Variants in STARD5 observed in about 807,000 individuals in gnomAD.
The protein encoded by STARD5 is stAR-related lipid transfer protein 5.
A neutral mutation model predicts 24.6 loss-of-function variants in STARD5; 26 were observed. The observed-to-expected ratio is 1.06, with a 90% CI of 0.77 to 1.47. The LOEUF is 1.47. Among genes scored for constraint, STARD5 ranks in the 40% most tolerant of loss-of-function variants. The pLI is 0.00. For missense variants in STARD5, 254 were observed against 270.8 expected (o/e 0.94, Z 0.44); for synonymous variants, 101 against 99.7 (o/e 1.01, Z -0.07).
chr15:81,316,277 A>G (rs1039243456), intron 5 of STARD5, among the ~76,000 whole-genome samples: 2 of 152,220 alleles, frequency 1.3e-5, no homozygotes, highest in African/African-American at 4.8e-5. Context: ...AAGGCACTTA[A>G]CGTCTGATAC....
At chr15:81,320,616 A>G (rs760112309) in intron 3 of STARD5, among the ~76,000 whole-genome samples, 1 of 152,224 alleles carries the variant, frequency 6.6e-6, no homozygotes, top group Non-Finnish European at 1.5e-5. Context: ...GGCAGTACAC[A>G]CTGGTATTAG....
At chr15:81,318,750 T>A (rs920725377) in intron 4 of STARD5, among the ~76,000 whole-genome samples, 5 of 151,886 alleles carry the variant, frequency 3.3e-5, no homozygotes, top group African/African-American at 7.3e-5. Context: ...TCACACACAC[T>A]CACTCATCCA....
In STARD5 at chr15:81,313,027, A is replaced by C. The variant is rs755919814; in HGVS notation, c.*229T>G. 5.9e-5 allele frequency: 21 copies of C among 356,986 alleles called. No individual in the cohort carries two copies. Among genetic ancestry groups the C allele is most frequent in the Non-Finnish European group, 9.4e-5 (19 of 201,362 alleles). The allele number at this position is 356,986 out of a possible 1,614,324, so 22.1% of individuals were successfully genotyped here. On this transcript the variant is annotated 3_prime_UTR_variant, in exon 6 of 6. Coordinates refer to ENST00000302824, the MANE Select transcript of STARD5 (RefSeq NM_181900.3). ...AGAGGCGTGTTTGGGTAACAGGCAG[A>C]TGGAGTTTGGAACACATGAATGGCT...
At chr15:81,317,660 T>G (rs551548157) in intron 5 of STARD5, among the ~76,000 whole-genome samples, 11 of 151,790 alleles carry the variant, frequency 7.2e-5, no homozygotes, top group Non-Finnish European at 1.6e-4. Context: ...CCTGGGACAA[T>G]GTGGTAGAAG....
At chr15:81,315,638 C>T (rs2141673336) in intron 5 of STARD5, among the ~76,000 whole-genome samples, 2 of 152,244 alleles carry the variant, frequency 1.3e-5, no homozygotes, top group South Asian at 2.1e-4. Context: ...GAACACCTTT[C>T]CCCCGCCCCC....
intron 3 of STARD5, among the ~76,000 whole-genome samples, chr15:81,320,148 C>T (rs1352979323): frequency 2.0e-5 from 3 of 152,092 alleles, no homozygotes; most frequent in Non-Finnish European, 2.9e-5. Context: ...CTCGAGGTCA[C>T]AGTGGAGAAG....
intron 3 of STARD5, among the ~76,000 whole-genome samples, chr15:81,321,369 T>TG (rs1567056617): frequency 2.0e-5 from 3 of 151,908 alleles, no homozygotes; most frequent in African/African-American, 7.3e-5. Flanking sequence ...CCCAGCACTT[T>TG]GGGGGGTCGA....
Position 81,309,154 on chromosome 15 carries a change from C to A in STARD5, c.*4102G>T. ...TACTGTAACTGTGTCATGATTCACC[C>A]CCAAACAGTGACATTTATTTTTCTC... On this transcript the variant is annotated 3_prime_UTR_variant, in exon 6 of 6. Coordinates refer to ENST00000302824, the MANE Select transcript of STARD5 (RefSeq NM_181900.3). 1 of 207,226 alleles carries A rather than the reference C, an allele frequency of 4.8e-6. No homozygotes were observed. Among genetic ancestry groups the A allele is most frequent in the Non-Finnish European group, 9.6e-6 (1 of 103,810 alleles). 12.8% of individuals were successfully genotyped at this position (207,226 alleles called of 1,614,324 possible). A position where few individuals can be genotyped will look rare whatever the true frequency, so the allele number is the denominator to read the frequency against.
chr15:81,324,080 G>A lies in STARD5; in HGVS notation c.20C>T (p.Ala7Val). The A allele has an allele frequency of 6.6e-7, 1 of 1,522,466 alleles. No individual in the cohort carries two copies. The highest frequency in any genetic ancestry group is 8.9e-7 in the Non-Finnish European group (1 of 1,124,828). The allele number at this position is 1,522,466 out of a possible 1,614,324, so 94.3% of individuals were successfully genotyped here. A position where few individuals can be genotyped will look rare whatever the true frequency, so the allele number is the denominator to read the frequency against. The change falls in exon 1 of 6, where the codon GCC (alanine) becomes GTC (valine). Residue 7 changes from alanine (A) to valine (V), a missense_variant. Transcript: ENST00000302824. MDPALA[A>V]QMSEAVAEKM... ...CTCGGCCACAGCCTCGCTCATCTGGGCTGCCAGCGCCGGGTCCATTGCGTC... is the reference window on the plus strand; with the variant it reads ...CTCGGCCACAGCCTCGCTCATCTGGACTGCCAGCGCCGGGTCCATTGCGTC...
chr15:81,322,990 G>A, intron 1 of STARD5, 42 bp from the exon 2 acceptor site: 1 of 1,606,342 alleles, frequency 6.2e-7, no homozygotes, highest in Non-Finnish European at 8.5e-7. Flanking sequence ...GAGCTAGAAG[G>A]GCTCTGGTCA....
At chr15:81,322,794 A>T in intron 2 of STARD5, 105 bp downstream of exon 2, 1 of 1,461,974 alleles carries the variant, frequency 6.8e-7, no homozygotes, top group Non-Finnish European at 9.5e-7. Context: ...AGGACAAGTG[A>T]TCACAGGTTA....
intron 5 of STARD5, among the ~76,000 whole-genome samples, chr15:81,315,150 C>G (rs567282462): frequency 6.6e-6 from 1 of 152,188 alleles, no homozygotes; most frequent in South Asian, 2.1e-4. Context: ...CTGCCCATCC[C>G]GCCTCTGCTA....
chr15:81,313,264 GGA>G lies in STARD5; in HGVS notation c.632_633del (p.Phe211SerfsTer2). The G allele has an allele frequency of 6.4e-7, 1 of 1,568,418 alleles. No homozygotes were observed. The highest frequency in any genetic ancestry group is 8.6e-7 in the Non-Finnish European group (1 of 1,156,946). ...AAGAAGTAACGATAGCATTACTCAT[GGA>G]ATTGCTTCACTGCTTTCTGAAGGTT... ...YANLQKAVKQ[F>X]HE On this transcript the variant is annotated frameshift_variant, in exon 6 of 6. Transcript: ENST00000302824. LOFTEE classifies it high-confidence loss of function.
rs774745950 is a variant in STARD5 at position 81,310,650 on chromosome 15, T to A, written c.*2606A>T. ...GAGGCCACGTGATGTGGAGGGCACA[T>A]TCCTTGCCTGCACAAACTCACCATC... On this transcript the variant is annotated 3_prime_UTR_variant, in exon 6 of 6. Coordinates refer to ENST00000302824, the MANE Select transcript of STARD5 (RefSeq NM_181900.3). The A allele has an allele frequency of 6.6e-6, 1 of 152,188 alleles. No individual in the cohort carries two copies. Among genetic ancestry groups the A allele is most frequent in the Non-Finnish European group, 1.5e-5 (1 of 68,046 alleles). 9.4% of individuals were successfully genotyped at this position (152,188 alleles called of 1,614,324 possible).
intron 3 of STARD5, among the ~76,000 whole-genome samples, chr15:81,320,116 AAG>A (rs1901166638): frequency 6.6e-6 from 1 of 152,238 alleles, no homozygotes; most frequent in African/African-American, 2.4e-5. Flanking sequence ...CCCATCCTGC[AAG>A]AGAGTGGGGC....
intron 1 of STARD5, 146 bp from the exon 2 acceptor site, chr15:81,323,094 G>C: frequency 1.2e-6 from 1 of 800,502 alleles, no homozygotes; most frequent in Non-Finnish European, 2.0e-6. Context: ...GAAAAGCTGG[G>C]ACTAGTCTTG....
intron 1 of STARD5, chr15:81,323,344 AAAC>A (rs1893326591): frequency 3.3e-6 from 1 of 305,302 alleles, no homozygotes; most frequent in South Asian, 3.5e-5. Context: ...GGGTCAAGCA[AAAC>A]TACTCCCATG....
intron 5 of STARD5, among the ~76,000 whole-genome samples, chr15:81,316,279 G>A (rs986920578): frequency 2.8e-4 from 43 of 152,154 alleles, no homozygotes; most frequent in Admixed American, 2.1e-3. Context: ...GGCACTTAAC[G>A]TCTGATACTT....
chr15:81,318,398 A>G lies in STARD5; in HGVS notation c.494+11T>C. 3.1e-6 allele frequency: 5 copies of G among 1,613,446 alleles called. No individual in the cohort carries two copies. Among genetic ancestry groups the G allele is most frequent in the Non-Finnish European group, 4.2e-6 (5 of 1,179,362 alleles). On this transcript the variant is annotated intron_variant, in intron 5 of 5. Coordinates refer to ENST00000302824, the MANE Select transcript of STARD5 (RefSeq NM_181900.3). ...TGAGCCATGTACCTCAATGCAGGAAATTATCCTTACCCTGGAAGAGGTTCA... is the reference window on the plus strand; with the variant it reads ...TGAGCCATGTACCTCAATGCAGGAAGTTATCCTTACCCTGGAAGAGGTTCA...
Sources: gnomAD v4.1 joint callset for allele counts (sites outside exome capture counted in the v4.1 genomes callset) on GRCh38, gnomAD v4.1.1 for gene constraint, MANE v1.5 for transcripts, NCBI Gene and HGNC (gene_info 2026-07-23, HGNC 2026-07-21) for gene names.